INPP4B: variants seen among roughly 807,000 people sequenced by gnomAD.
The protein encoded by INPP4B is inositol polyphosphate 4-phosphatase type II.
A neutral mutation model predicts 122.5 loss-of-function variants in INPP4B; 55 were observed. The ratio of observed to expected loss-of-function variants is 0.45; its 90% CI spans 0.36 to 0.56. INPP4B has a LOEUF of 0.56. INPP4B is among the 20% of genes least tolerant of loss of function. The probability of loss-of-function intolerance (pLI) is 0.00; values close to 1 mark genes in which losing one functional copy is unlikely to be tolerated. For missense variants in INPP4B, 1,000 were observed against 1,097.7 expected, an observed-to-expected ratio of 0.91 and a Z score of 1.26; for synonymous variants, 403 against 388.7, an observed-to-expected ratio of 1.04 and a Z score of -0.43.
At chr4:142,296,431 C>T (rs1758720434) in intron 9 of INPP4B, among the ~76,000 whole-genome samples, 3 of 152,170 alleles carry the variant, frequency 2.0e-5, no homozygotes, top group South Asian at 2.1e-4. Context: ...GCATTAGATG[C>T]CATTTCAGAT....
At chr4:142,034,337 C>A (rs1742432399) in intron 25 of INPP4B, among the ~76,000 whole-genome samples, 1 of 152,066 alleles carries the variant, frequency 6.6e-6, no homozygotes, top group South Asian at 2.1e-4. Flanking sequence ...TGTTGCTCAA[C>A]ATCCTGCAAT....
At chr4:142,613,758 C>T (rs908840162) in intron 2 of INPP4B, among the ~76,000 whole-genome samples, 12 of 152,146 alleles carry the variant, frequency 7.9e-5, no homozygotes, top group African/African-American at 2.9e-4. Context: ...GCTAGCTTCA[C>T]TTGTCATTTA....
At chr4:142,670,614 A>G (rs974509814) in intron 2 of INPP4B, among the ~76,000 whole-genome samples, 1 of 152,138 alleles carries the variant, frequency 6.6e-6, no homozygotes, top group Non-Finnish European at 1.5e-5. Flanking sequence ...GTCATGGAAG[A>G]AGAGAGTAGA....
chr4:142,226,300 A>T (rs764479797), intron 12 of INPP4B, among the ~76,000 whole-genome samples: 1 of 142,204 alleles, frequency 7.0e-6, no homozygotes, highest in Non-Finnish European at 1.5e-5. Context: ...TTTTCAACAT[A>T]AACTGTTGCT....
intron 2 of INPP4B, among the ~76,000 whole-genome samples, chr4:142,545,166 A>G (rs1829403666): frequency 6.6e-6 from 1 of 152,194 alleles, no homozygotes; most frequent in Non-Finnish European, 1.5e-5. Flanking sequence ...AAAATATATC[A>G]AGGAAAATGG....
chr4:142,411,121 A>G (rs1484027132), intron 5 of INPP4B, among the ~76,000 whole-genome samples: 1 of 152,222 alleles, frequency 6.6e-6, no homozygotes, highest in Non-Finnish European at 1.5e-5. Flanking sequence ...TTTCACCTCT[A>G]ATGAGGTACT....
intron 2 of INPP4B, among the ~76,000 whole-genome samples, chr4:142,651,193 C>T (rs1016481747): frequency 2.6e-5 from 4 of 152,074 alleles, no homozygotes; most frequent in African/African-American, 7.2e-5. Context: ...AGACAATGTA[C>T]CAGAATCTCT....
At chr4:142,537,740 AGTGTGTGTGTGTGT>A (rs72363974) in intron 2 of INPP4B, among the ~76,000 whole-genome samples, 68 of 146,888 alleles carry the variant, frequency 4.6e-4, no homozygotes, top group East Asian at 3.2e-3. Context: ...TGTGTATATG[AGTGTGTGTGTGTGT>A]GTGTGTGTGT....
chr4:142,616,698 T>C (rs542455608), intron 2 of INPP4B, among the ~76,000 whole-genome samples: 4 of 152,268 alleles, frequency 2.6e-5, no homozygotes, highest in South Asian at 4.1e-4. Context: ...TAAGTGTCCA[T>C]TGATGGATGA....
rs117348711 is a variant in INPP4B at position 142,596,745 on chromosome 4, C to T, written c.-191+129094G>A. Among the ~76,000 whole-genome samples, 416 of 152,230 alleles carry T rather than the reference C, an allele frequency of 2.7e-3. 2 individuals carry two copies. Among genetic ancestry groups the T allele is most frequent in the East Asian group, 2.7e-3 (14 of 5,178 alleles). On this transcript the variant is annotated intron_variant, in intron 2 of 25. Transcript: ENST00000262992. ...AAGACTGTGCAGGTTTTAAAACCACCACAATCCTTAGCACATGGCCTCTCT... is the reference window on the plus strand; with the variant it reads ...AAGACTGTGCAGGTTTTAAAACCACTACAATCCTTAGCACATGGCCTCTCT...
intron 9 of INPP4B, among the ~76,000 whole-genome samples, chr4:142,299,173 G>T (rs199613003): frequency 4.2e-5 from 6 of 143,506 alleles, no homozygotes; most frequent in African/African-American, 8.1e-5. Context: ...TTTTTTTGGG[G>T]GGGAGACAGA....
chr4:142,373,047 T>C (rs1333075145), intron 7 of INPP4B, among the ~76,000 whole-genome samples: 1 of 152,076 alleles, frequency 6.6e-6, no homozygotes, highest in Non-Finnish European at 1.5e-5. Flanking sequence ...AACTGAATCA[T>C]TTATATTCTA....
In INPP4B at chr4:142,568,143, T is replaced by C. The variant is rs557420591; in HGVS notation, c.-190-105417A>G. 5.8e-3 allele frequency among the ~76,000 whole-genome samples: 600 copies of C among 104,312 alleles called. 8 individuals are homozygous for C. The South Asian group carries it at 0.064, about 11-fold the overall frequency. The allele number at this position is 104,312 out of a possible 152,430, so 68.4% of individuals were successfully genotyped here. Reference sequence around the variant, plus strand: ...GATTATTCTTTCCCCTTTTCCTTTCTTTTTTTATTCTTTTTTTTTTTTCCA... The same window carrying C: ...GATTATTCTTTCCCCTTTTCCTTTCCTTTTTTATTCTTTTTTTTTTTTCCA... On this transcript the variant is annotated intron_variant, in intron 2 of 25. Coordinates refer to ENST00000262992, the MANE Select transcript of INPP4B (RefSeq NM_001101669.3).
chr4:142,558,629 CCTT>C (rs1729735911), intron 2 of INPP4B, among the ~76,000 whole-genome samples: 2 of 146,590 alleles, frequency 1.4e-5, no homozygotes, highest in Non-Finnish European at 3.0e-5. Context: ...ATTTATTTCT[CCTT>C]CTTGGTATAA....
intron 25 of INPP4B, among the ~76,000 whole-genome samples, chr4:142,048,290 G>C (rs1232294744): frequency 1.3e-5 from 2 of 152,054 alleles, no homozygotes; most frequent in African/African-American, 2.4e-5. Flanking sequence ...TATAGTACTT[G>C]CACACATGGC....
chr4:142,401,726 A>T (rs1801654931), intron 7 of INPP4B, among the ~76,000 whole-genome samples: 1 of 152,190 alleles, frequency 6.6e-6, no homozygotes, highest in South Asian at 2.1e-4. Context: ...GAAACAAGGG[A>T]ACCAAGAATT....
intron 7 of INPP4B, among the ~76,000 whole-genome samples, chr4:142,345,937 T>G (rs941627160): frequency 6.6e-6 from 1 of 152,034 alleles, no homozygotes; most frequent in African/African-American, 2.4e-5. Context: ...TTTTCATTAA[T>G]TGTGGCAGTT....
chr4:142,111,776 C>T (rs773767673), intron 22 of INPP4B, among the ~76,000 whole-genome samples: 2 of 151,550 alleles, frequency 1.3e-5, no homozygotes, highest in Non-Finnish European at 2.9e-5. Context: ...TGGAGTCTCG[C>T]TCTGCCGCCC....
intron 25 of INPP4B, among the ~76,000 whole-genome samples, chr4:142,077,210 G>A (rs1771276049): frequency 6.6e-6 from 1 of 151,844 alleles, no homozygotes; most frequent in Non-Finnish European, 1.5e-5. Flanking sequence ...TGTATTGCGA[G>A]GGTGATACAT....
Sources: gnomAD v4.1 joint callset for allele counts (sites outside exome capture counted in the v4.1 genomes callset) on GRCh38, gnomAD v4.1.1 for gene constraint, MANE v1.5 for transcripts, NCBI Gene and HGNC (gene_info 2026-07-23, HGNC 2026-07-21) for gene names.